The following WAC variants were observed in gnomAD, a reference collection of about 807,000 sequenced individuals.
WAC encodes WW domain-containing adapter protein with coiled-coil.
A neutral mutation model predicts 79.6 loss-of-function variants in WAC; 11 were observed. The ratio of observed to expected loss-of-function variants is 0.14; its 90% CI spans 0.09 to 0.23. The LOEUF (loss-of-function observed/expected upper bound fraction) is 0.23. Among genes scored for constraint, WAC ranks in the 10% least tolerant of loss-of-function variants. The pLI, the probability that WAC is intolerant of heterozygous loss-of-function variation, is 1.00. For synonymous variants in WAC, 304 were observed against 276.9 expected, an observed-to-expected ratio of 1.10 and a Z score of -0.97; for missense variants, 728 against 773.5, an observed-to-expected ratio of 0.94 and a Z score of 0.70.
rs547109280 is a variant in WAC at position 28,576,949 on chromosome 10, G to T, written c.275-6450G>T. Among the ~76,000 whole-genome samples the T allele has an allele frequency of 2.0e-5, 3 of 152,082 alleles. No homozygotes were observed. In the South Asian group the frequency reaches 6.2e-4, roughly 32 times the overall value. ...TTTTTTACCTAAGTCTTGGAATCTA[G>T]TATCTATTTTACACATACAGAAAAT... On this transcript the variant is annotated intron_variant, in intron 3 of 13. Coordinates refer to ENST00000354911, the MANE Select transcript of WAC (RefSeq NM_016628.5).
rs1836938891 is a variant in WAC at position 28,540,305 on chromosome 10, G to A, written c.274+4548G>A. Among the ~76,000 whole-genome samples the A allele has an allele frequency of 2.0e-5, 3 of 152,084 alleles. No homozygotes were observed. In the South Asian group the frequency reaches 6.2e-4, roughly 32 times the overall value. On this transcript the variant is annotated intron_variant, in intron 3 of 13. Transcript: ENST00000354911. ...GTCTAGAAACTAGTTCTCTAACTTC[G>A]GTAACTTGTATGCTGTCAGAGATTA...
rs2132308028 is a variant in WAC, at chr10:28,535,700, A to C, written c.217A>C (p.Thr73Pro). 1 of 1,614,156 alleles carries C rather than the reference A, an allele frequency of 6.2e-7. No individual in the cohort carries two copies. Among genetic ancestry groups the C allele is most frequent in the East Asian group, 2.2e-5 (1 of 44,878 alleles). Residue 73 changes from threonine to proline, a missense_variant, in exon 3 of 14, where the codon ACA becomes CCA. Thr to Pro is a conservative substitution (Grantham distance 38). Transcript: ENST00000354911. ...DSPENKYSDSTGHSKAKNVHT... is the reference protein window; with the variant it reads ...DSPENKYSDSPGHSKAKNVHT... ...TCCTGAAAACAAATACAGTGACAGCACAGGTCACAGTAAGGCCAAAAATGT... is the reference window on the plus strand; with the variant it reads ...TCCTGAAAACAAATACAGTGACAGCCCAGGTCACAGTAAGGCCAAAAATGT...
intron 7 of WAC, among the ~76,000 whole-genome samples, chr10:28,603,963 ATATATATATATATATATATATATATG>A (rs1443222101): frequency 0.012 from 124 of 10,454 alleles, 16 homozygotes; most frequent in African/African-American, 0.026. Flanking sequence ...GTATGTATGT[ATATATATATATATATATATATATATG>A]TATATATATA....
chr10:28,567,016 T>G (rs909562773), intron 3 of WAC, among the ~76,000 whole-genome samples: 1 of 151,832 alleles, frequency 6.6e-6, no homozygotes, highest in Non-Finnish European at 1.5e-5. Context: ...ATTGGGCATC[T>G]TATCTCTAAG....
At chr10:28,570,946 C>CTTTTTTTT (rs139500035) in intron 3 of WAC, among the ~76,000 whole-genome samples, 1 of 64,506 alleles carries the variant, frequency 1.6e-5, no homozygotes, top group African/African-American at 6.0e-5. Flanking sequence ...TAAAGATATA[C>CTTTTTTTT]TTTTTTTTTT....
intron 3 of WAC, among the ~76,000 whole-genome samples, chr10:28,553,263 A>ATAAT (rs3029449): frequency 0.84 from 127,018 of 151,936 alleles, 53,216 homozygotes; most frequent in East Asian, 0.94. Flanking sequence ...TTGTTTACAA[A>ATAAT]TTTTGTTTAT....
At chr10:28,535,219 T>C (rs1279816846) in intron 2 of WAC, 1 of 168,508 alleles carries the variant, frequency 5.9e-6, no homozygotes, top group Non-Finnish European at 1.3e-5. Flanking sequence ...ATTATAGTAG[T>C]ACTGAATTTC....
In WAC at chr10:28,619,538, A is replaced by G. The variant is rs1841619728; in HGVS notation, c.1876A>G (p.Ile626Val). Residue 626 changes from isoleucine to valine, a missense_variant and splice_region_variant, in exon 14 of 14, where the codon ATA (isoleucine) becomes GTA (valine). By Grantham distance (29) the Ile-to-Val change is conservative. Coordinates refer to ENST00000354911, the MANE Select transcript of WAC (RefSeq NM_016628.5). ...EIQATLREQRILFLRQQIKEL... is the reference protein window; with the variant it reads ...EIQATLREQRVLFLRQQIKEL... ...CTAATGTCTGCTTTTTTTTTTCAGG[A>G]TACTATTTTTGAGACAACAAATTAA... 1.9e-6 allele frequency: 3 copies of G among 1,570,832 alleles called. No homozygotes were observed. The highest frequency in any genetic ancestry group is 2.8e-5 in the African/African-American group (2 of 71,500).
intron 3 of WAC, chr10:28,538,454 T>G (rs1184150796): frequency 6.2e-6 from 1 of 161,186 alleles, no homozygotes; most frequent in Non-Finnish European, 1.4e-5. Context: ...CGGTGGCGAG[T>G]GCCTGTAATC....
At chr10:28,618,476 G>A (rs1288952914) in intron 13 of WAC, among the ~76,000 whole-genome samples, 1 of 152,158 alleles carries the variant, frequency 6.6e-6, no homozygotes, top group African/African-American at 2.4e-5. Context: ...ATATCTGGAG[G>A]TACTCTCTGA....
chr10:28,602,741 G>C (rs538782199), intron 7 of WAC, among the ~76,000 whole-genome samples: 25 of 152,250 alleles, frequency 1.6e-4, no homozygotes, highest in African/African-American at 5.8e-4. Flanking sequence ...TAGTTTGCAA[G>C]GGTACCTATA....
intron 3 of WAC, among the ~76,000 whole-genome samples, chr10:28,550,122 T>C (rs1391085691): frequency 2.0e-5 from 3 of 148,458 alleles, no homozygotes; most frequent in Admixed American, 6.7e-5. Flanking sequence ...TGAGCGGAGA[T>C]CACACCACTG....
intron 7 of WAC, among the ~76,000 whole-genome samples, chr10:28,599,409 T>G (rs1374325845): frequency 6.6e-6 from 1 of 152,168 alleles, no homozygotes; most frequent in East Asian, 1.9e-4. Context: ...TGTAAATATT[T>G]GTTGTAGATG....
intron 3 of WAC, among the ~76,000 whole-genome samples, chr10:28,552,533 G>C (rs1001791312): frequency 1.3e-5 from 2 of 152,120 alleles, no homozygotes; most frequent in African/African-American, 4.8e-5. Flanking sequence ...ACCCTTAATT[G>C]GTTGGCCTTT....
chr10:28,587,437 T>G (rs1326232975), intron 4 of WAC, among the ~76,000 whole-genome samples: 3 of 152,204 alleles, frequency 2.0e-5, no homozygotes, highest in Non-Finnish European at 2.9e-5. Context: ...CATGTTAGTA[T>G]TATTATGAAA....
Position 28,617,650 on chromosome 10 carries a change from A to T in WAC, c.1747-7A>T, listed in dbSNP as rs1589251135. On this transcript the variant is annotated splice_region_variant and splice_polypyrimidine_tract_variant and intron_variant, in intron 12 of 13. Transcript: ENST00000354911. ...ATTTTATGTTTTCTTCATTTCTTTA[A>T]TTACAGGCATCAAGATTACGCGAAG... is the stretch of plus-strand genomic sequence containing the variant. The T allele has an allele frequency of 6.5e-7, 1 of 1,546,950 alleles. No individual in the cohort carries two copies. The highest frequency in any genetic ancestry group is 1.4e-5 in the African/African-American group (1 of 71,308).
intron 3 of WAC, among the ~76,000 whole-genome samples, chr10:28,563,744 CTT>C (rs71281550): frequency 1.0e-4 from 7 of 67,910 alleles, no homozygotes; most frequent in African/African-American, 1.2e-4. Context: ...CTACACCCAG[CTT>C]TTTTTTTTTT....
At position 28,589,863 on chromosome 10, in the gene WAC, T is replaced by C. The variant is rs1490046244; in HGVS notation, c.497+12T>C. On this transcript the variant is annotated intron_variant, in intron 5 of 13. Coordinates refer to ENST00000354911, the MANE Select transcript of WAC (RefSeq NM_016628.5). ...GAGTGGCTTGAAAGGTAATTAGCTT[T>C]TAATCTAATTAAACATTATTTCTCT... 15 of 1,525,810 alleles carry C rather than the reference T, an allele frequency of 9.8e-6. No homozygotes were observed. Among genetic ancestry groups the C allele is most frequent in the Non-Finnish European group, 1.4e-5 (15 of 1,100,254 alleles). The allele number at this position is 1,525,810 out of a possible 1,614,324, so 94.5% of individuals were successfully genotyped here.
Position 28,573,117 on chromosome 10 carries a change from T to TG in WAC, c.275-10282_275-10281insG, listed in dbSNP as rs1421272698. The stretch of plus-strand genomic sequence containing the variant: ...TCTTTTAAAAAATATTTTACATGGC[T>TG]ATTTTTTTTTCTATTTTTAAGATAT... On this transcript the variant is annotated intron_variant, in intron 3 of 13. Coordinates refer to ENST00000354911, the MANE Select transcript of WAC (RefSeq NM_016628.5). Among the ~76,000 whole-genome samples, 5 of 44,456 alleles carry TG rather than the reference T, an allele frequency of 1.1e-4. No homozygotes were observed. The East Asian group carries it at 5.0e-3, about 44-fold the overall frequency. 29.2% of individuals were successfully genotyped at this position (44,456 alleles called of 152,430 possible).
Sources: allele counts gnomAD v4.1 joint callset (sites outside exome capture counted in the v4.1 genomes callset), GRCh38; gene constraint gnomAD v4.1.1; transcripts MANE v1.5; gene names NCBI Gene and HGNC (gene_info 2026-07-23, HGNC 2026-07-21).